GABRA3: variants seen among roughly 807,000 people sequenced by gnomAD.
GABRA3 encodes gamma-aminobutyric acid type A receptor subunit alpha3.
Under a neutral mutation model 30.1 loss-of-function variants are expected in GABRA3, and 10 were observed. The observed-to-expected ratio is 0.33, with a 90% confidence interval of 0.20 to 0.56. The LOEUF (loss-of-function observed/expected upper bound fraction) is 0.56. GABRA3 is among the 20% of genes least tolerant of loss of function. The probability of loss-of-function intolerance (pLI) is 0.89; values close to 1 mark genes in which losing one functional copy is unlikely to be tolerated. For synonymous variants in GABRA3, 151 were observed against 146.8 expected (o/e 1.03, Z -0.21); for missense variants, 233 against 392.0 (o/e 0.59, Z 3.42).
chrX:152,428,228 T>C (rs1930558880), intron 1 of GABRA3, among the ~76,000 whole-genome samples: 1 of 111,838 alleles, frequency 8.9e-6, no homozygotes, highest in African/African-American at 3.3e-5. Flanking sequence ...AACAGTGCAC[T>C]GACTCATAGT....
intron 1 of GABRA3, among the ~76,000 whole-genome samples, chrX:152,442,972 G>A (rs942910663): frequency 1.3e-4 from 15 of 111,251 alleles, no homozygotes; most frequent in African/African-American, 4.3e-4. Flanking sequence ...TTCATCAGAA[G>A]AAATTACAAA....
chrX:152,169,361 A>G (rs940694171), intron 9 of GABRA3, among the ~76,000 whole-genome samples: 2 of 112,646 alleles, frequency 1.8e-5, no homozygotes, highest in South Asian at 7.4e-4. Flanking sequence ...TGACATAGCA[A>G]AGGCAGAGAT....
At chrX:152,175,352 G>A (rs1937059893) in intron 9 of GABRA3, among the ~76,000 whole-genome samples, 1 of 109,948 alleles carries the variant, frequency 9.1e-6, no homozygotes, top group Non-Finnish European at 1.9e-5. Flanking sequence ...TGGGACCTAT[G>A]CTGGATAGAG....
intron 1 of GABRA3, among the ~76,000 whole-genome samples, chrX:152,393,855 T>C (rs1929567864): frequency 8.9e-6 from 1 of 111,822 alleles, no homozygotes; most frequent in South Asian, 3.8e-4. Flanking sequence ...CAGTAGCTAA[T>C]AGAATACTAC....
At chrX:152,256,187 C>A (rs1053598674) in intron 4 of GABRA3, among the ~76,000 whole-genome samples, 189 bp from the exon 5 acceptor site, 4 of 111,102 alleles carry the variant, frequency 3.6e-5, no homozygotes, top group Non-Finnish European at 7.5e-5. Flanking sequence ...GATTAATAAG[C>A]ATGGGGATAA....
chrX:152,428,712 G>C (rs777572783), intron 1 of GABRA3, among the ~76,000 whole-genome samples: 1 of 111,594 alleles, frequency 9.0e-6, no homozygotes, highest in African/African-American at 3.3e-5. Context: ...AGATGACAGT[G>C]AGTTCTAAAA....
intron 3 of GABRA3, among the ~76,000 whole-genome samples, chrX:152,344,152 T>C (rs1940356375): frequency 9.0e-6 from 1 of 111,708 alleles, no homozygotes; most frequent in Non-Finnish European, 1.9e-5. Context: ...AAGGCTGGAT[T>C]ATGAAAGTAC....
chrX:152,222,141 T>C (rs899063315), intron 6 of GABRA3, among the ~76,000 whole-genome samples: 5 of 110,802 alleles, frequency 4.5e-5, no homozygotes, highest in Admixed American at 1.9e-4. Context: ...TTTAGGTTGA[T>C]TCCATGTCTT....
chrX:152,316,022 C>T (rs1227749544), intron 3 of GABRA3, among the ~76,000 whole-genome samples: 1 of 87,223 alleles, frequency 1.1e-5, no homozygotes, highest in Non-Finnish European at 2.2e-5. Flanking sequence ...ACAACTGATG[C>T]TCTCTTGAAA....
intron 2 of GABRA3, 105 bp from the exon 3 acceptor site, chrX:152,345,807 T>C: frequency 1.4e-6 from 1 of 701,647 alleles, no homozygotes. Context: ...ACTGGGCCAA[T>C]TACATAGACC....
At chrX:152,318,798 T>C (rs1939917400) in intron 3 of GABRA3, among the ~76,000 whole-genome samples, 1 of 111,529 alleles carries the variant, frequency 9.0e-6, no homozygotes, top group South Asian at 3.8e-4. Flanking sequence ...AAATCCAGCA[T>C]CCCTTTCTGA....
chrX:152,283,601 A>G (rs1199972352), intron 4 of GABRA3, among the ~76,000 whole-genome samples: 2 of 111,895 alleles, frequency 1.8e-5, no homozygotes, highest in African/African-American at 6.5e-5. Context: ...ACAGATCACC[A>G]GATCAATCAT....
intron 1 of GABRA3, among the ~76,000 whole-genome samples, chrX:152,393,949 C>T (rs1281844841): frequency 9.0e-6 from 1 of 111,270 alleles, no homozygotes; most frequent in Non-Finnish European, 1.9e-5. Flanking sequence ...AGCATTTGAC[C>T]ATAATGCACA....
chrX:152,218,609 A>G (rs1232805773), intron 6 of GABRA3, among the ~76,000 whole-genome samples: 1 of 111,055 alleles, frequency 9.0e-6, no homozygotes, highest in Non-Finnish European at 1.9e-5. Flanking sequence ...CTTCAGTTCT[A>G]TCAGTGTTGC....
chrX:152,193,676 C>A (rs1394359529), intron 8 of GABRA3, among the ~76,000 whole-genome samples: 2 of 112,551 alleles, frequency 1.8e-5, no homozygotes, highest in African/African-American at 3.2e-5. Flanking sequence ...AGTCAGCATG[C>A]ATCCTTGACT....
chrX:152,253,565 C>T (rs1409382612), intron 5 of GABRA3, among the ~76,000 whole-genome samples: 1 of 111,873 alleles, frequency 8.9e-6, no homozygotes, highest in African/African-American at 3.2e-5. Flanking sequence ...CTTAACATAT[C>T]GTCACTTCTC....
intron 1 of GABRA3, among the ~76,000 whole-genome samples, chrX:152,417,763 A>G (rs1185436678): frequency 1.0e-5 from 1 of 99,929 alleles, no homozygotes. Context: ...TTCTCAGTAA[A>G]CTATCACAAG....
chrX:152,251,223 A>G, intron 5 of GABRA3: 1 of 227,629 alleles, frequency 4.4e-6, no homozygotes, highest in Non-Finnish European at 8.7e-6. Context: ...CTCTAATCTC[A>G]TCGAACTTGA....
At chrX:152,232,138 T>G in intron 5 of GABRA3, among the ~76,000 whole-genome samples, 3 of 111,744 alleles carry the variant, frequency 2.7e-5, no homozygotes. Context: ...AAATAAATTT[T>G]ATAATATGTA....
Sources: allele counts gnomAD v4.1 joint callset (sites outside exome capture counted in the v4.1 genomes callset), GRCh38; gene constraint gnomAD v4.1.1; transcripts MANE v1.5; gene names NCBI Gene and HGNC (gene_info 2026-07-23, HGNC 2026-07-21).